The following UBE2V2 variants were observed in gnomAD, a reference collection of about 807,000 sequenced individuals.
UBE2V2 encodes the protein ubiquitin conjugating enzyme E2 V2.
UBE2V2 carries 9 observed loss-of-function variants against 17.2 expected under a neutral mutation model. The ratio of observed to expected loss-of-function variants is 0.52; its 90% confidence interval spans 0.32 to 0.91. The LOEUF (loss-of-function observed/expected upper bound fraction) is 0.91, where lower values mean the gene tolerates loss of function less well. Ranked by LOEUF, UBE2V2 falls within the 40% of genes least tolerant of loss-of-function variation. The pLI is 0.04. For missense variants in UBE2V2, 133 were observed against 182.6 expected (o/e 0.73, Z 1.56); for synonymous variants, 61 against 57.5 (o/e 1.06, Z -0.28).
At chr8:48,020,036 CTCTG>C (rs887405877) in intron 1 of UBE2V2, among the ~76,000 whole-genome samples, 17 of 151,790 alleles carry the variant, frequency 1.1e-4, no homozygotes, top group South Asian at 2.1e-4. Context: ...CTTTCTCTCT[CTCTG>C]TCTCTCTTTT....
At chr8:48,044,783 A>T (rs2091487095) in intron 2 of UBE2V2, among the ~76,000 whole-genome samples, 1 of 152,138 alleles carries the variant, frequency 6.6e-6, no homozygotes, top group Non-Finnish European at 1.5e-5. Context: ...TGACTTACTG[A>T]TTTGAAGATT....
At position 48,057,224 on chromosome 8, in the gene UBE2V2, T is replaced by G. The variant is rs183563277; in HGVS notation, c.292-3458T>G. Among the ~76,000 whole-genome samples the G allele has an allele frequency of 4.7e-3, 715 of 152,348 alleles. 4 individuals carry two copies. The highest frequency in any genetic ancestry group is 0.012 in the African/African-American group (488 of 41,580). On this transcript the variant is annotated intron_variant, in intron 3 of 3. Transcript: ENST00000523111. ...ATGAATATTGTCATCTTCACAGTAA[T>G]AAGTCTTCTGACCCATGTATATTTA...
rs2091522739 is a variant in UBE2V2 at position 48,049,776 on chromosome 8, T to G, written c.166-77T>G. ...ACGTACATTCATATTGTACTTTCCC[T>G]TTTTTTTTTTTAGCACTTAGACATT... On this transcript the variant is annotated intron_variant, in intron 2 of 3. Transcript: ENST00000523111. 2.2e-5 allele frequency: 6 copies of G among 267,634 alleles called. No individual in the cohort carries two copies. The East Asian group carries it at 7.8e-4, about 35-fold the overall frequency. 16.6% of individuals were successfully genotyped at this position (267,634 alleles called of 1,614,324 possible). A position where few individuals can be genotyped will look rare whatever the true frequency, so the allele number is the denominator to read the frequency against.
rs139920761 is a variant in UBE2V2, at chr8:48,034,324, A to G, written c.17-8709A>G. 1.0e-3 allele frequency among the ~76,000 whole-genome samples: 157 copies of G among 152,050 alleles called. 4 individuals are homozygous for G. The East Asian group carries it at 0.03, about 29-fold the overall frequency. On this transcript the variant is annotated intron_variant, in intron 1 of 3. Coordinates refer to ENST00000523111, the MANE Select transcript of UBE2V2 (RefSeq NM_003350.3). ...GTATTTTTAGTAGAGATGGGGTTTCACTATGTTGGCCAGGCTGGTCTCGAA... is the reference window on the plus strand; with the variant it reads ...GTATTTTTAGTAGAGATGGGGTTTCGCTATGTTGGCCAGGCTGGTCTCGAA...
Position 48,008,473 on chromosome 8 carries a change from C to G in UBE2V2, c.16+3C>G. Reference sequence around the variant, plus strand: ...GGAGAAGATGGCGGTCTCCACAGGTCGGTTCCCGGGCCGGGCTGCGTGATT... The same window carrying G: ...GGAGAAGATGGCGGTCTCCACAGGTGGGTTCCCGGGCCGGGCTGCGTGATT... On this transcript the variant is annotated splice_donor_region_variant and intron_variant, in intron 1 of 3. Coordinates refer to ENST00000523111, the MANE Select transcript of UBE2V2 (RefSeq NM_003350.3). 6.4e-7 allele frequency: 1 copy of G among 1,567,970 alleles called. No homozygotes were observed. The highest frequency in any genetic ancestry group is 8.6e-7 in the Non-Finnish European group (1 of 1,159,016).
chr8:48,030,371 C>G (rs556666689), intron 1 of UBE2V2, among the ~76,000 whole-genome samples: 9 of 152,122 alleles, frequency 5.9e-5, no homozygotes, highest in Non-Finnish European at 1.0e-4. Context: ...TTCTATGGTA[C>G]AGTTTCTTTC....
intron 1 of UBE2V2, among the ~76,000 whole-genome samples, chr8:48,013,735 A>G (rs1361788825): frequency 1.3e-5 from 2 of 152,218 alleles, no homozygotes; most frequent in Non-Finnish European, 2.9e-5. Context: ...TGATGAAAGA[A>G]TATGTTTTCT....
At chr8:48,053,201 A>G (rs146853850) in intron 3 of UBE2V2, among the ~76,000 whole-genome samples, 1 of 151,988 alleles carries the variant, frequency 6.6e-6, no homozygotes, top group African/African-American at 2.4e-5. Context: ...ACTTTTTAGT[A>G]TCTTTATTGA....
chr8:48,009,924 A>G (rs1487903229), intron 1 of UBE2V2, among the ~76,000 whole-genome samples: 1 of 152,186 alleles, frequency 6.6e-6, no homozygotes, highest in Admixed American at 6.5e-5. Context: ...CTGAAATCTA[A>G]TCTGTGCTCG....
intron 1 of UBE2V2, among the ~76,000 whole-genome samples, chr8:48,026,673 G>T (rs1036226303): frequency 6.6e-6 from 1 of 152,080 alleles, no homozygotes; most frequent in African/African-American, 2.4e-5. Context: ...TATATTATGT[G>T]GTCTTTTGTG....
intron 1 of UBE2V2, among the ~76,000 whole-genome samples, chr8:48,037,040 A>G (rs2091429618): frequency 6.6e-6 from 1 of 152,158 alleles, no homozygotes; most frequent in Non-Finnish European, 1.5e-5. Flanking sequence ...TTAGCCATGC[A>G]TCGTGGCAGG....
At chr8:48,040,785 G>A (rs2091456613) in intron 1 of UBE2V2, among the ~76,000 whole-genome samples, 3 of 150,078 alleles carry the variant, frequency 2.0e-5, no homozygotes, top group Admixed American at 2.0e-4. Context: ...GCACCAGCAT[G>A]CCTGGCTTAT....
rs545499405 is a variant in UBE2V2, at chr8:48,050,601, A to G, written c.291+623A>G. The G allele has an allele frequency of 2.6e-5, 4 of 151,404 alleles. No homozygotes were observed. In the East Asian group the frequency reaches 7.8e-4, roughly 30 times the overall value. The allele number at this position is 151,404 out of a possible 1,614,324, so 9.4% of individuals were successfully genotyped here. A position where few individuals can be genotyped will look rare whatever the true frequency, so the allele number is the denominator to read the frequency against. ...TTGATCTTTATTTGGTAAAAAGATG[A>G]CCATTATTGGGCGGGGCATGGTGGC... On this transcript the variant is annotated intron_variant, in intron 3 of 3. Coordinates refer to ENST00000523111, the MANE Select transcript of UBE2V2 (RefSeq NM_003350.3).
chr8:47,999,713 A>G, the UBE2V2 span, among the ~76,000 whole-genome samples: 5 of 152,132 alleles, frequency 3.3e-5, no homozygotes, highest in Non-Finnish European at 5.9e-5. Flanking sequence ...CTTTACAAAA[A>G]ACTTATAAGT....
At chr8:48,006,112 G>A (rs1390837745), upstream of UBE2V2, among the ~76,000 whole-genome samples, 3 of 152,176 alleles carry the variant, frequency 2.0e-5, no homozygotes, top group South Asian at 2.1e-4. Flanking sequence ...GAATGGTATT[G>A]CCTAGGTTTT....
rs921728758 is a variant in UBE2V2, at chr8:48,008,662, G to T, written c.16+192G>T. 4.5e-5 allele frequency: 33 copies of T among 734,112 alleles called. No homozygotes were observed. The African/African-American group carries it at 4.5e-4, about 10-fold the overall frequency. 45.5% of individuals were successfully genotyped at this position (734,112 alleles called of 1,614,324 possible). On this transcript the variant is annotated intron_variant, in intron 1 of 3. Transcript: ENST00000523111. Reference sequence around the variant, plus strand: ...AGGCCCCGGCGGCCGTCGGGTTGGCGGGTCGTGCTCGCGCGTCGGCCGCGC... The same window carrying T: ...AGGCCCCGGCGGCCGTCGGGTTGGCTGGTCGTGCTCGCGCGTCGGCCGCGC...
chr8:48,016,504 C>T (rs1487691922), intron 1 of UBE2V2, among the ~76,000 whole-genome samples: 10 of 151,276 alleles, frequency 6.6e-5, no homozygotes, highest in African/African-American at 1.2e-4. Flanking sequence ...TTTTTTGAGA[C>T]GGAGTTTGGC....
intron 1 of UBE2V2, chr8:48,041,792 CTCT>C (rs896358146): frequency 1.4e-4 from 21 of 151,888 alleles, no homozygotes; most frequent in South Asian, 4.2e-4. Context: ...TGTGTAAACA[CTCT>C]TCTTTTTTTT....
intron 1 of UBE2V2, among the ~76,000 whole-genome samples, chr8:48,030,556 A>G (rs1009675814): frequency 7.9e-5 from 12 of 152,174 alleles, no homozygotes; most frequent in Admixed American, 3.9e-4. Context: ...CCCTGTCTCT[A>G]CTAAAAATAC....
Sources: allele counts gnomAD v4.1 joint callset (sites outside exome capture counted in the v4.1 genomes callset), GRCh38; gene constraint gnomAD v4.1.1; transcripts MANE v1.5; gene names NCBI Gene and HGNC (gene_info 2026-07-23, HGNC 2026-07-21).